The following GID8 variants were observed in gnomAD, a reference collection of about 807,000 sequenced individuals.
GID8 encodes glucose-induced degradation protein 8 homolog.
GID8 carries 6 observed loss-of-function variants against 27.4 expected under a neutral mutation model. That is an observed-to-expected ratio of 0.22 (90% CI 0.12 to 0.43). The LOEUF (loss-of-function observed/expected upper bound fraction) is 0.43, where lower values mean the gene tolerates loss of function less well. GID8 is among the 20% of genes least tolerant of loss of function. The pLI is 1.00. For missense variants in GID8, 173 were observed against 287.6 expected, an observed-to-expected ratio of 0.60 and a Z score of 2.88; for synonymous variants, 112 against 109.0, an observed-to-expected ratio of 1.03 and a Z score of -0.17.
In GID8 at chr20:62,947,936, T is replaced by G. The variant is rs769662647; in HGVS notation, c.*3024T>G. ...GGAGCTAGGGGCTCCAGAAAGAATCTTACACATGTGTTGAAGACATTGATG... is the reference window on the plus strand; with the variant it reads ...GGAGCTAGGGGCTCCAGAAAGAATCGTACACATGTGTTGAAGACATTGATG... On this transcript the variant is annotated 3_prime_UTR_variant, in exon 5 of 5. Transcript: ENST00000266069. The G allele has an allele frequency of 6.6e-6, 1 of 152,252 alleles. No individual in the cohort carries two copies. The highest frequency in any genetic ancestry group is 1.5e-5 in the Non-Finnish European group (1 of 68,048). 9.4% of individuals were successfully genotyped at this position (152,252 alleles called of 1,614,324 possible).
chr20:62,943,297 G>T lies in GID8; in HGVS notation c.315+114G>T, dbSNP rs1304320773. On this transcript the variant is annotated intron_variant, in intron 3 of 4. Coordinates refer to ENST00000266069, the MANE Select transcript of GID8 (RefSeq NM_017896.3). This position sits in a 1 kb window ranked among gnomAD's most constrained non-coding sequence, Gnocchi z 4.7. ...CTTTAATAATGTTATTTCAATGCAT[G>T]TGAGGGGGAGAGGTTTGAGTTTGCT... 3 of 975,446 alleles carry T rather than the reference G, an allele frequency of 3.1e-6. No individual in the cohort carries two copies. The highest frequency in any genetic ancestry group is 4.6e-6 in the Non-Finnish European group (3 of 646,062). 60.4% of individuals were successfully genotyped at this position (975,446 alleles called of 1,614,324 possible).
rs2065453747 is a variant in GID8 at position 62,943,718 on chromosome 20, C to T, written c.513+26C>T. 6.3e-7 allele frequency: 1 copy of T among 1,575,768 alleles called. No individual in the cohort carries two copies. The highest frequency in any genetic ancestry group is 2.2e-5 in the East Asian group (1 of 44,636). On this transcript the variant is annotated intron_variant, in intron 4 of 4. Coordinates refer to ENST00000266069, the MANE Select transcript of GID8 (RefSeq NM_017896.3). This position sits in a 1 kb window ranked among gnomAD's most constrained non-coding sequence, Gnocchi z 4.7. ...GTGGGGCCTGCCAGAGGGAAGCTTT[C>T]TTCCATTCCCCATGTGCTCTGAGGG...
In GID8 at chr20:62,943,117, C is replaced by T. The variant is rs369118795; in HGVS notation, c.249C>T (p.Ile83=). Residue 83 remains isoleucine (I), a synonymous_variant, in exon 3 of 5, where the codon ATC becomes ATT. Coordinates refer to ENST00000266069, the MANE Select transcript of GID8 (RefSeq NM_017896.3). This position sits in a 1 kb window ranked among gnomAD's most constrained non-coding sequence, Gnocchi z 4.7. Reference sequence around the variant, plus strand: ...TGAAAGGTCAGATTCAGGAGGCCATCGCCTTGATCAACAGCCTCCACCCAG... The same window carrying T: ...TGAAAGGTCAGATTCAGGAGGCCATTGCCTTGATCAACAGCCTCCACCCAG... The part of the protein sequence containing the change: ...MILKGQIQEA[I]ALINSLHPEL... 4.5e-5 allele frequency: 73 copies of T among 1,613,842 alleles called. No individual in the cohort carries two copies. The highest frequency in any genetic ancestry group is 8.3e-5 in the Admixed American group (5 of 60,008).
chr20:62,940,592 G>T (rs979295404), intron 1 of GID8, among the ~76,000 whole-genome samples: 4 of 151,866 alleles, frequency 2.6e-5, no homozygotes, highest in African/African-American at 9.7e-5. Flanking sequence ...CTTGTGATCC[G>T]CCCGCCTCGG....
rs2065461540 is a variant in GID8, at chr20:62,945,347, G to T, written c.*435G>T. ...CCTACAAGTTTTTCCTTACCCCTGT[G>T]GTTTTTGTGTTTTTTTTTTTTTCTT... is the stretch of plus-strand genomic sequence containing the variant. On this transcript the variant is annotated 3_prime_UTR_variant, in exon 5 of 5. Transcript: ENST00000266069. 1 of 984,144 alleles carries T rather than the reference G, an allele frequency of 1.0e-6. No homozygotes were observed. Among genetic ancestry groups the T allele is most frequent in the Non-Finnish European group, 1.2e-6 (1 of 830,744 alleles). The allele number at this position is 984,144 out of a possible 1,614,324, so 61.0% of individuals were successfully genotyped here. A position where few individuals can be genotyped will look rare whatever the true frequency, so the allele number is the denominator to read the frequency against.
intron 1 of GID8, 31 bp from the exon 2 acceptor site, chr20:62,941,460 C>A: frequency 8.1e-7 from 1 of 1,237,978 alleles, no homozygotes; most frequent in Non-Finnish European, 1.2e-6. Flanking sequence ...GCATCTAAAC[C>A]CCTCCCTCAG....
Position 62,943,034 on chromosome 20 carries a change from G to A in GID8, c.166G>A (p.Glu56Lys). 1 of 1,613,994 alleles carries A rather than the reference G, an allele frequency of 6.2e-7. No individual in the cohort carries two copies. The highest frequency in any genetic ancestry group is 8.5e-7 in the Non-Finnish European group (1 of 1,179,880). ...GAAGTTTCGAATGGAATCTGGAATCGAACCTAGTGTGGATCTGGAAACACT... is the reference window on the plus strand; with the variant it reads ...GAAGTTTCGAATGGAATCTGGAATCAAACCTAGTGTGGATCTGGAAACACT... ...AEKFRMESGI[E>K]PSVDLETLDE... The change falls in exon 3 of 5, where the codon GAA (glutamate) becomes AAA (lysine). Residue 56 changes from glutamate (E) to lysine (K), a missense_variant. Glu to Lys is a moderately conservative substitution (Grantham distance 56). Coordinates refer to ENST00000266069, the MANE Select transcript of GID8 (RefSeq NM_017896.3). The surrounding 1 kb of genome is among the most constrained non-coding windows in gnomAD (Gnocchi z 4.7).
At position 62,940,864 on chromosome 20, in the gene GID8, T is replaced by G. The variant is rs534693642; in HGVS notation, c.-12-627T>G. 8.5e-5 allele frequency among the ~76,000 whole-genome samples: 13 copies of G among 152,374 alleles called. No homozygotes were observed. The South Asian group carries it at 2.5e-3, about 29-fold the overall frequency. On this transcript the variant is annotated intron_variant, in intron 1 of 4. Transcript: ENST00000266069. ...TGGCCAAAACCTCACCAGGTAAAGT[T>G]TAATAGCCTCTACCACTTAGTATAG...
chr20:62,945,996 G>A lies in GID8; in HGVS notation c.*1084G>A. ...CTCCGTGGTGGGCAGGAGGGAAGTGGTGCAGGGCTGCGTGCATTGCCTGCG... is the reference window on the plus strand; with the variant it reads ...CTCCGTGGTGGGCAGGAGGGAAGTGATGCAGGGCTGCGTGCATTGCCTGCG... On this transcript the variant is annotated 3_prime_UTR_variant, in exon 5 of 5. Coordinates refer to ENST00000266069, the MANE Select transcript of GID8 (RefSeq NM_017896.3). 7.8e-7 allele frequency: 1 copy of A among 1,289,482 alleles called. No individual in the cohort carries two copies. The highest frequency in any genetic ancestry group is 1.0e-6 in the Non-Finnish European group (1 of 988,882). The allele number at this position is 1,289,482 out of a possible 1,614,324, so 79.9% of individuals were successfully genotyped here. A position where few individuals can be genotyped will look rare whatever the true frequency, so the allele number is the denominator to read the frequency against.
chr20:62,943,629 G>A lies in GID8; in HGVS notation c.450G>A (p.Leu150=), dbSNP rs1376771540. 1 of 1,613,856 alleles carries A rather than the reference G, an allele frequency of 6.2e-7. No individual in the cohort carries two copies. Among genetic ancestry groups the A allele is most frequent in the South Asian group, 1.1e-5 (1 of 91,076 alleles). ...AGATGGAGCGTACCCTGGCACTGCTGGCCTTTGACAGTCCCGAGGAGTCGC... is the reference window on the plus strand; with the variant it reads ...AGATGGAGCGTACCCTGGCACTGCTAGCCTTTGACAGTCCCGAGGAGTCGC... ...LTEMERTLAL[L]AFDSPEESPF... is the part of the protein sequence containing the mutation. Residue 150 remains leucine (L), a synonymous_variant, in exon 4 of 5, where the codon CTG becomes CTA. Coordinates refer to ENST00000266069, the MANE Select transcript of GID8 (RefSeq NM_017896.3). This position sits in a 1 kb window ranked among gnomAD's most constrained non-coding sequence, Gnocchi z 4.7.
In GID8 at chr20:62,945,952, C is replaced by T; in HGVS notation, c.*1040C>T. On this transcript the variant is annotated 3_prime_UTR_variant, in exon 5 of 5. Transcript: ENST00000266069. ...TCTGCCGATGTCCTGCTTCTGTTCACTCACAGAACTGTCCCCTGCTCCGTG... is the reference window on the plus strand; with the variant it reads ...TCTGCCGATGTCCTGCTTCTGTTCATTCACAGAACTGTCCCCTGCTCCGTG... 7.8e-6 allele frequency: 10 copies of T among 1,289,414 alleles called. No individual in the cohort carries two copies. The highest frequency in any genetic ancestry group is 1.0e-5 in the Non-Finnish European group (10 of 988,790). 79.9% of individuals were successfully genotyped at this position (1,289,414 alleles called of 1,614,324 possible). A position where few individuals can be genotyped will look rare whatever the true frequency, so the allele number is the denominator to read the frequency against.
In GID8 at chr20:62,943,391, A is replaced by G; in HGVS notation, c.316-104A>G. The G allele has an allele frequency of 1.8e-6, 2 of 1,138,814 alleles. No homozygotes were observed. Among genetic ancestry groups the G allele is most frequent in the Non-Finnish European group, 2.6e-6 (2 of 779,896 alleles). 70.5% of individuals were successfully genotyped at this position (1,138,814 alleles called of 1,614,324 possible). ...ATTTGATAACTCAGAGATGCAAGAA[A>G]AGTCTTCCCTCTGTGATGTACTTTT... On this transcript the variant is annotated intron_variant, in intron 3 of 4. Transcript: ENST00000266069. This position sits in a 1 kb window ranked among gnomAD's most constrained non-coding sequence, Gnocchi z 4.7.
At chr20:62,939,696 CT>C (rs1438472728) in intron 1 of GID8, among the ~76,000 whole-genome samples, 9 of 152,306 alleles carry the variant, frequency 5.9e-5, no homozygotes, top group Admixed American at 5.2e-4. Context: ...GCCAAAGCAT[CT>C]TGATCTCACC....
At position 62,946,756 on chromosome 20, in the gene GID8, G is replaced by A. The variant is rs1278091661; in HGVS notation, c.*1844G>A. On this transcript the variant is annotated 3_prime_UTR_variant, in exon 5 of 5. Transcript: ENST00000266069. ...GGTTTGAGGATGAAGATAAGTTGGA[G>A]GGAAAGAGAGTAACTAATAGGGGAT... 1.3e-5 allele frequency: 2 copies of A among 152,244 alleles called. No homozygotes were observed. Among genetic ancestry groups the A allele is most frequent in the Non-Finnish European group, 2.9e-5 (2 of 68,060 alleles). 9.4% of individuals were successfully genotyped at this position (152,244 alleles called of 1,614,324 possible). A position where few individuals can be genotyped will look rare whatever the true frequency, so the allele number is the denominator to read the frequency against.
In GID8 at chr20:62,946,266, G is replaced by C. The variant is rs1236875133; in HGVS notation, c.*1354G>C. ...TGGGATCTCGCCTTATTCTCAAGTA[G>C]CAAGGCATCTCGACAAGCATGGTCT... On this transcript the variant is annotated 3_prime_UTR_variant, in exon 5 of 5. Coordinates refer to ENST00000266069, the MANE Select transcript of GID8 (RefSeq NM_017896.3). The C allele has an allele frequency of 3.0e-6, 1 of 332,348 alleles. No individual in the cohort carries two copies. The highest frequency in any genetic ancestry group is 6.0e-6 in the Non-Finnish European group (1 of 167,482). 20.6% of individuals were successfully genotyped at this position (332,348 alleles called of 1,614,324 possible).
intron 1 of GID8, among the ~76,000 whole-genome samples, chr20:62,939,342 C>T (rs1364680946): frequency 6.6e-6 from 1 of 151,946 alleles, no homozygotes. Flanking sequence ...CAAGTAATGG[C>T]GATTCTCATT....
Position 62,943,836 on chromosome 20 carries a change from CTTTTTT to C in GID8, c.513+155_513+160del. On this transcript the variant is annotated intron_variant, in intron 4 of 4. Coordinates refer to ENST00000266069, the MANE Select transcript of GID8 (RefSeq NM_017896.3). This position sits in a 1 kb window ranked among gnomAD's most constrained non-coding sequence, Gnocchi z 4.7. ...GGGATGCTAAGTGGTTCCTTCATGG[CTTTTTT>C]TTTTTTTTTTGGAGGTGAAGTCTTG... 2.0e-6 allele frequency: 1 copy of C among 510,124 alleles called. No individual in the cohort carries two copies. Among genetic ancestry groups the C allele is most frequent in the East Asian group, 3.2e-5 (1 of 31,338 alleles). The allele number at this position is 510,124 out of a possible 1,614,324, so 31.6% of individuals were successfully genotyped here. A position where few individuals can be genotyped will look rare whatever the true frequency, so the allele number is the denominator to read the frequency against.
chr20:62,942,855 AC>A (rs2065449406), intron 2 of GID8, 131 bp from the exon 3 acceptor site: 2 of 634,842 alleles, frequency 3.2e-6, no homozygotes, highest in East Asian at 5.2e-5. Flanking sequence ...AGATATTAAT[AC>A]CGAGTTCCTG....
Position 62,944,865 on chromosome 20 carries a change from C to A in GID8, c.640C>A (p.Pro214Thr), listed in dbSNP as rs1331013629. Residue 214 changes from proline (P) to threonine (T), a missense_variant, in exon 5 of 5, where the codon CCC becomes ACC. By Grantham distance (38) the Pro-to-Thr change is conservative. Transcript: ENST00000266069. ...GCTGGACCAGAAGAAAGTAAAATAT[C>A]CCAAAATGACAGACCTCAGCAAGGG... is the stretch of plus-strand genomic sequence containing the variant. ...NELDQKKVKYPKMTDLSKGVI... is the reference protein window; with the variant it reads ...NELDQKKVKYTKMTDLSKGVI... 6.2e-7 allele frequency: 1 copy of A among 1,613,862 alleles called. No homozygotes were observed. Among genetic ancestry groups the A allele is most frequent in the East Asian group, 2.2e-5 (1 of 44,886 alleles).
Sources: allele counts gnomAD v4.1 joint callset (sites outside exome capture counted in the v4.1 genomes callset), GRCh38; gene constraint gnomAD v4.1.1; non-coding constraint Gnocchi (gnomAD v3.1); transcripts MANE v1.5; gene names NCBI Gene and HGNC (gene_info 2026-07-23, HGNC 2026-07-21).